ARRB1: variants seen among roughly 807,000 people sequenced by gnomAD.
ARRB1 encodes arrestin beta 1.
In ARRB1, 21 loss-of-function variants were observed where a neutral mutation model predicts 56.8. The ratio of observed to expected loss-of-function variants is 0.37; its 90% CI spans 0.26 to 0.53. The LOEUF is 0.53. ARRB1 is among the 20% of genes least tolerant of loss of function. The pLI, the probability that ARRB1 is intolerant of heterozygous loss-of-function variation, is 0.88. For synonymous variants in ARRB1, 210 were observed against 218.6 expected, an observed-to-expected ratio of 0.96 and a Z score of 0.35; for missense variants, 424 against 553.7, an observed-to-expected ratio of 0.77 and a Z score of 2.35.
At position 75,273,323 on chromosome 11, in the gene ARRB1, C is replaced by T. The variant is rs115052740; in HGVS notation, c.915-345G>A. 2.3e-3 allele frequency among the ~76,000 whole-genome samples: 330 copies of T among 146,070 alleles called. 1 individual carries two copies. The highest frequency in any genetic ancestry group is 7.9e-3 in the African/African-American group (311 of 39,582). ...CAACCCATGGGCAGAAAGGGCCACA[C>T]GGGGAGTTCACAGAGGGCGAGGCAG... On this transcript the variant is annotated intron_variant, in intron 11 of 15. Coordinates refer to ENST00000420843, the MANE Select transcript of ARRB1 (RefSeq NM_004041.5).
intron 6 of ARRB1, 124 bp from the exon 7 acceptor site, chr11:75,281,266 C>G (rs1390958847): frequency 3.2e-6 from 3 of 927,446 alleles, no homozygotes; most frequent in African/African-American, 1.6e-5. Flanking sequence ...CACAGCCCAG[C>G]CTTCCTTGGT....
At chr11:75,279,522 G>A (rs1484938888) in intron 7 of ARRB1, among the ~76,000 whole-genome samples, 1 of 152,200 alleles carries the variant, frequency 6.6e-6, no homozygotes, top group East Asian at 1.9e-4. Flanking sequence ...TCCATTGCCT[G>A]TAACCAGGGA....
chr11:75,349,598 G>C (rs1312496854), intron 1 of ARRB1, among the ~76,000 whole-genome samples: 1 of 152,200 alleles, frequency 6.6e-6, no homozygotes, highest in African/African-American at 2.4e-5. Context: ...TCACAAGGCA[G>C]CCTAGGAAGG....
chr11:75,261,206 G>GTGTGTGTGTGTGTA lies in ARRB1; in HGVS notation c.*4956_*4957insTACACACACACACA, dbSNP rs1555149826. 220 of 152,140 alleles carry GTGTGTGTGTGTGTA rather than the reference G, an allele frequency of 1.4e-3. 1 individual carries two copies. The highest frequency in any genetic ancestry group is 5.1e-3 in the African/African-American group (212 of 41,276). The allele number at this position is 152,140 out of a possible 1,614,324, so 9.4% of individuals were successfully genotyped here. On this transcript the variant is annotated 3_prime_UTR_variant, in exon 16 of 16. Coordinates refer to ENST00000420843, the MANE Select transcript of ARRB1 (RefSeq NM_004041.5). ...CGTGTGTGTGTGTGTGTGTGTGTGT[G>GTGTGTGTGTGTGTA]TGTGTGTGTGTGTGTATAAATGCTT...
At chr11:75,330,438 C>T (rs984865709) in intron 1 of ARRB1, among the ~76,000 whole-genome samples, 18 of 152,186 alleles carry the variant, frequency 1.2e-4, no homozygotes, top group African/African-American at 4.3e-4. Flanking sequence ...AGAGCCCAGC[C>T]CCTGGGCTGG....
intron 1 of ARRB1, 122 bp downstream of exon 1, chr11:75,351,466 A>G (rs1232947104): frequency 1.4e-6 from 2 of 1,396,918 alleles, no homozygotes; most frequent in Non-Finnish European, 1.9e-6. Context: ...GGTGGAGGAG[A>G]GCTGGTACTA....
intron 12 of ARRB1, among the ~76,000 whole-genome samples, chr11:75,272,234 A>G (rs1946088472): frequency 6.6e-6 from 1 of 152,266 alleles, no homozygotes; most frequent in Admixed American, 6.5e-5. Context: ...TTAGCTTTTC[A>G]ATCTTTTCAT....
chr11:75,296,435 C>T (rs1292449929), intron 1 of ARRB1, among the ~76,000 whole-genome samples: 1 of 152,230 alleles, frequency 6.6e-6, no homozygotes, highest in South Asian at 2.1e-4. Flanking sequence ...GTCAACTCTC[C>T]ATGAACCAGA....
chr11:75,269,988 T>C (rs909086400), intron 13 of ARRB1, among the ~76,000 whole-genome samples: 4 of 152,110 alleles, frequency 2.6e-5, no homozygotes, highest in Non-Finnish European at 4.4e-5. Context: ...AGAGCCCAGT[T>C]GGGAAAGAGG....
intron 1 of ARRB1, among the ~76,000 whole-genome samples, chr11:75,330,806 A>G (rs1947508599): frequency 6.6e-6 from 1 of 152,194 alleles, no homozygotes; most frequent in Non-Finnish European, 1.5e-5. Context: ...AGATGAAGAA[A>G]CTGAAGCTGA....
chr11:75,342,461 G>C (rs1056473193), intron 1 of ARRB1, among the ~76,000 whole-genome samples: 4 of 152,190 alleles, frequency 2.6e-5, no homozygotes, highest in African/African-American at 9.7e-5. Context: ...TTGCCCAGTG[G>C]GGAGCCGATG....
At chr11:75,287,285 C>CA (rs1565117316) in intron 3 of ARRB1, 30 bp downstream of exon 3, 1 of 1,545,634 alleles carries the variant, frequency 6.5e-7, no homozygotes, top group South Asian at 1.2e-5. Flanking sequence ...CATCTTCCCC[C>CA]AGCCCTCCTC....
chr11:75,274,317 C>T lies in ARRB1; in HGVS notation c.777-106G>A, dbSNP rs543579579. ...TAGTCTGAGCCTGCTCCAAGTCTCC[C>T]TCTCCCAACCTCTGTCCCCCAGACA... On this transcript the variant is annotated intron_variant, in intron 10 of 15. Transcript: ENST00000420843. 2.0e-6 allele frequency: 3 copies of T among 1,484,242 alleles called. No homozygotes were observed. In the South Asian group the frequency reaches 3.8e-5, roughly 19 times the overall value. The allele number at this position is 1,484,242 out of a possible 1,614,324, so 91.9% of individuals were successfully genotyped here. A position where few individuals can be genotyped will look rare whatever the true frequency, so the allele number is the denominator to read the frequency against.
chr11:75,341,857 T>C (rs1220191669), intron 1 of ARRB1, among the ~76,000 whole-genome samples: 1 of 152,232 alleles, frequency 6.6e-6, no homozygotes, highest in Non-Finnish European at 1.5e-5. Flanking sequence ...CCCAACTGTC[T>C]TCCCTTCCCA....
At position 75,278,760 on chromosome 11, in the gene ARRB1, G is replaced by A. The variant is rs142666480; in HGVS notation, c.483-16C>T. ...CACAGAATTCCTAATGGAGATGGGC[G>A]GAGTGAAAGAGGACCAGGGTCACCT... On this transcript the variant is annotated splice_polypyrimidine_tract_variant and intron_variant, in intron 7 of 15. Coordinates refer to ENST00000420843, the MANE Select transcript of ARRB1 (RefSeq NM_004041.5). 1.2e-3 allele frequency: 1,907 copies of A among 1,596,216 alleles called. 3 individuals carry two copies. The highest frequency in any genetic ancestry group is 6.9e-3 in the African/African-American group (515 of 74,542).
At chr11:75,310,614 C>T (rs1440519673) in intron 1 of ARRB1, among the ~76,000 whole-genome samples, 1 of 152,130 alleles carries the variant, frequency 6.6e-6, no homozygotes, top group Admixed American at 6.5e-5. Flanking sequence ...ACCTAGATGG[C>T]CTTTCCTTCA....
intron 1 of ARRB1, among the ~76,000 whole-genome samples, chr11:75,320,375 C>T (rs1947327084): frequency 6.6e-6 from 1 of 152,226 alleles, no homozygotes; most frequent in African/African-American, 2.4e-5. Flanking sequence ...ATGCAAACTC[C>T]TCCGCCTCCT....
chr11:75,330,826 G>T (rs1238792184), intron 1 of ARRB1, among the ~76,000 whole-genome samples: 2 of 152,170 alleles, frequency 1.3e-5, no homozygotes, highest in East Asian at 3.9e-4. Context: ...AATGAAAGTG[G>T]CAGGGAACTT....
chr11:75,318,459 G>A (rs924662593), intron 1 of ARRB1, among the ~76,000 whole-genome samples: 18 of 152,222 alleles, frequency 1.2e-4, no homozygotes, highest in African/African-American at 4.3e-4. Flanking sequence ...GGAGGCCGAG[G>A]TGGGCGGGGC....
Sources: gnomAD v4.1 joint callset for allele counts (sites outside exome capture counted in the v4.1 genomes callset) on GRCh38, gnomAD v4.1.1 for gene constraint, MANE v1.5 for transcripts, NCBI Gene and HGNC (gene_info 2026-07-23, HGNC 2026-07-21) for gene names.